PYGL: variants seen among roughly 807,000 people sequenced by gnomAD.
PYGL encodes glycogen phosphorylase, liver form.
A neutral mutation model predicts 100.1 loss-of-function variants in PYGL; 90 were observed. The observed-to-expected ratio is 0.90, with a 90% CI of 0.76 to 1.07. The LOEUF (loss-of-function observed/expected upper bound fraction) is 1.07. PYGL is among the 50% of genes least tolerant of loss of function. PYGL has a pLI of 0.00. For missense variants in PYGL, 1,016 were observed against 1,057.6 expected (o/e 0.96, Z 0.55); for synonymous variants, 373 against 393.0 (o/e 0.95, Z 0.60).
Position 50,937,852 on chromosome 14 carries a change from A to G in PYGL, c.244-15T>C, listed in dbSNP as rs1241796420. The G allele has an allele frequency of 1.3e-6, 2 of 1,591,356 alleles. No individual in the cohort carries two copies. The highest frequency in any genetic ancestry group is 3.3e-5 in the Admixed American group (2 of 60,000). On this transcript the variant is annotated splice_polypyrimidine_tract_variant and intron_variant, in intron 1 of 19. Transcript: ENST00000216392. Reference sequence around the variant, plus strand: ...TAATATACCCTCTGAAATAAAGAAAAGAGAGATAATGTTTCCCCCAAGAGA... The same window carrying G: ...TAATATACCCTCTGAAATAAAGAAAGGAGAGATAATGTTTCCCCCAAGAGA...
rs189866904 is a variant in PYGL, at chr14:50,931,618, G to A, written c.528+55C>T. ...GTCCATATATTATAAATCATCCAGA[G>A]CACCATGAAAGAGAAGTACCTTAAT... On this transcript the variant is annotated intron_variant, in intron 4 of 19. Transcript: ENST00000216392. 485 of 1,439,102 alleles carry A rather than the reference G, an allele frequency of 3.4e-4. 2 individuals carry two copies. Among genetic ancestry groups the A allele is most frequent in the Admixed American group, 6.4e-4 (38 of 59,666 alleles). The allele number at this position is 1,439,102 out of a possible 1,614,324, so 89.1% of individuals were successfully genotyped here.
rs113993986 is a variant in PYGL, at chr14:50,910,048, G to A, written c.2024C>T (p.Ser675Leu). ...EQISTAGTEA[S>L]GTGNMKFMLN... ...CATGAACTTCATATTGCCTGTCCCCGAGGCTTCGGTGCCTGCAGTGGAAAT... is the reference window on the plus strand; with the variant it reads ...CATGAACTTCATATTGCCTGTCCCCAAGGCTTCGGTGCCTGCAGTGGAAAT... Residue 675 changes from serine (S) to leucine (L), a missense_variant, in exon 17 of 20, where the codon TCG (serine) becomes TTG (leucine). Ser to Leu is a moderately radical substitution (Grantham distance 145). Transcript: ENST00000216392. 11 of 1,614,006 alleles carry A rather than the reference G, an allele frequency of 6.8e-6. No individual in the cohort carries two copies. Among genetic ancestry groups the A allele is most frequent in the East Asian group, 4.5e-5 (2 of 44,894 alleles).
At position 50,944,242 on chromosome 14, in the gene PYGL, G is replaced by C. The variant is rs999162918; in HGVS notation, c.162C>G (p.Phe54Leu). 1.2e-6 allele frequency: 2 copies of C among 1,613,700 alleles called. No homozygotes were observed. Among genetic ancestry groups the C allele is most frequent in the Non-Finnish European group, 1.7e-6 (2 of 1,179,910 alleles). ...RNVATTRDYY[F>L]ALAHTVRDHL... ...GGTCGCGCACCGTGTGCGCCAGCGC[G>C]AAGTAGTAGTCGCGGGTGGTGGCCA... Residue 54 changes from phenylalanine (F) to leucine (L), a missense_variant, in exon 1 of 20, where the codon TTC becomes TTG. By Grantham distance (22) the Phe-to-Leu change is conservative. Transcript: ENST00000216392.
In PYGL at chr14:50,910,025, T is replaced by C. The variant is rs762261694; in HGVS notation, c.2047A>G (p.Met683Val). ...CCGATAGTTAGGGCCCCATTTAGCATGAACTTCATATTGCCTGTCCCCGAG... is the reference window on the plus strand; with the variant it reads ...CCGATAGTTAGGGCCCCATTTAGCACGAACTTCATATTGCCTGTCCCCGAG... The part of the protein sequence containing the change: ...EASGTGNMKF[M>V]LNGALTIGTM... Residue 683 changes from methionine to valine, a missense_variant, in exon 17 of 20, where the codon ATG becomes GTG. Physicochemically the swap from Met to Val is conservative, Grantham distance 21. Transcript: ENST00000216392. The C allele has an allele frequency of 2.5e-6, 4 of 1,614,220 alleles. No individual in the cohort carries two copies. Among genetic ancestry groups the C allele is most frequent in the Non-Finnish European group, 3.4e-6 (4 of 1,180,020 alleles).
At chr14:50,911,522 T>A (rs1303554600) in intron 16 of PYGL, among the ~76,000 whole-genome samples, 1 of 152,158 alleles carries the variant, frequency 6.6e-6, no homozygotes. Context: ...TACTTGCAAG[T>A]ATAATCCTGT....
chr14:50,915,164 T>C, intron 11 of PYGL, 172 bp downstream of exon 11: 1 of 894,430 alleles, frequency 1.1e-6, no homozygotes, highest in Non-Finnish European at 1.7e-6. Context: ...CATTCTTTTC[T>C]TTCCTTTTCT....
chr14:50,908,697 A>C, intron 18 of PYGL, 124 bp downstream of exon 18: 4 of 1,348,410 alleles, frequency 3.0e-6, no homozygotes, highest in Non-Finnish European at 1.0e-6. Flanking sequence ...AATCTACATG[A>C]GTGGGTTTAA....
intron 4 of PYGL, among the ~76,000 whole-genome samples, chr14:50,929,605 ATAATAGT>A (rs1184614786): frequency 6.6e-6 from 1 of 152,198 alleles, no homozygotes; most frequent in African/African-American, 2.4e-5. Context: ...CTTCCATCTG[ATAATAGT>A]TAAGAGATAA....
chr14:50,938,966 A>C (rs1171008154), intron 1 of PYGL, among the ~76,000 whole-genome samples: 2 of 152,198 alleles, frequency 1.3e-5, no homozygotes, highest in Non-Finnish European at 2.9e-5. Flanking sequence ...CACACACCGC[A>C]TGGGTAGAAA....
Position 50,908,878 on chromosome 14 carries a change from G to T in PYGL, c.2255C>A (p.Ser752Tyr). 6.5e-7 allele frequency: 1 copy of T among 1,541,478 alleles called. No homozygotes were observed. The highest frequency in any genetic ancestry group is 8.9e-7 in the Non-Finnish European group (1 of 1,126,182). The change falls in exon 18 of 20, where the codon TCT becomes TAT. Residue 752 changes from serine to tyrosine, a missense_variant. By Grantham distance (144) the Ser-to-Tyr change is moderately radical. Coordinates refer to ENST00000216392, the MANE Select transcript of PYGL (RefSeq NM_002863.5). ...VIDQIDNGFF[S>Y]PKQPDLFKDI... ...TTTGAAGAGGTCAGGCTGCTTGGGA[G>T]AAAAAAAGCCATTGTCAATTTGATC...
Position 50,912,198 on chromosome 14 carries a change from G to A in PYGL, c.1726C>T (p.Arg576Ter), listed in dbSNP as rs774646420. The change falls in exon 14 of 20, where the codon CGA (arginine) becomes TGA (stop). Residue 576 changes from arginine to a stop codon, truncating the protein, a stop_gained. Transcript: ENST00000216392. LOFTEE classifies it high-confidence loss of function. ...VQVKRIHEYK[R>*]QLLNCLHVIT... Reference sequence around the variant, plus strand: ...ACATGCAGACAGTTCAAGAGCTGTCGCTTGTACTCATGTATCCTCTTCACC... The same window carrying A: ...ACATGCAGACAGTTCAAGAGCTGTCACTTGTACTCATGTATCCTCTTCACC... 19 of 1,614,028 alleles carry A rather than the reference G, an allele frequency of 1.2e-5. No homozygotes were observed. Among genetic ancestry groups the A allele is most frequent in the East Asian group, 4.5e-5 (2 of 44,886 alleles).
chr14:50,932,655 T>C (rs1020663903), intron 3 of PYGL, among the ~76,000 whole-genome samples: 1 of 152,216 alleles, frequency 6.6e-6, no homozygotes, highest in East Asian at 1.9e-4. Context: ...TTTTCTGTTA[T>C]TTAATGACAG....
intron 6 of PYGL, 96 bp from the exon 7 acceptor site, chr14:50,920,719 A>G: frequency 8.1e-7 from 1 of 1,232,188 alleles, no homozygotes. Flanking sequence ...GTCATGTGGG[A>G]TTCCTAAAAT....
At chr14:50,908,445 G>A (rs1021772966) in intron 18 of PYGL, 108 bp from the exon 19 acceptor site, 2 of 1,030,740 alleles carry the variant, frequency 1.9e-6, no homozygotes, top group African/African-American at 1.6e-5. Flanking sequence ...AGGCATGGCT[G>A]GTTTACCAAA....
chr14:50,917,870 T>G (rs967800996), intron 7 of PYGL, among the ~76,000 whole-genome samples: 1 of 152,342 alleles, frequency 6.6e-6, no homozygotes, highest in Admixed American at 6.5e-5. Context: ...CTTCGATTTT[T>G]ATAGATCATG....
intron 4 of PYGL, among the ~76,000 whole-genome samples, chr14:50,927,477 G>A (rs945472476): frequency 7.9e-5 from 12 of 152,014 alleles, no homozygotes; most frequent in African/African-American, 2.7e-4. Flanking sequence ...TGCCTGCCTC[G>A]GCCTCCTAAA....
At chr14:50,918,464 G>A (rs1566504707) in intron 7 of PYGL, among the ~76,000 whole-genome samples, 1 of 152,136 alleles carries the variant, frequency 6.6e-6, no homozygotes, top group African/African-American at 2.4e-5. Flanking sequence ...ACAATATGTG[G>A]TATATATATA....
chr14:50,915,935 T>C lies in PYGL; in HGVS notation c.1129A>G (p.Asn377Asp). 1 of 1,614,228 alleles carries C rather than the reference T, an allele frequency of 6.2e-7. No individual in the cohort carries two copies. Among genetic ancestry groups the C allele is most frequent in the Non-Finnish European group, 8.5e-7 (1 of 1,180,044 alleles). ...ELTQKTFAYT[N>D]HTVLPEALER... ...AGGGCTTCCGGGAGCACTGTGTGGT[T>C]GGTGTAGGCGAAGGTCTTCTGGGTG... Residue 377 changes from asparagine to aspartate, a missense_variant, in exon 10 of 20, where the codon AAC becomes GAC. By Grantham distance (23) the Asn-to-Asp change is conservative. Transcript: ENST00000216392.
chr14:50,932,186 A>G (rs2050607506), intron 3 of PYGL, among the ~76,000 whole-genome samples: 1 of 152,174 alleles, frequency 6.6e-6, no homozygotes, highest in South Asian at 2.1e-4. Flanking sequence ...AGACAGTCCC[A>G]GGAGAGTATA....
Sources: allele counts gnomAD v4.1 joint callset (sites outside exome capture counted in the v4.1 genomes callset), GRCh38; gene constraint gnomAD v4.1.1; transcripts MANE v1.5; gene names NCBI Gene and HGNC (gene_info 2026-07-23, HGNC 2026-07-21).